The following ZNF480 variants were observed in gnomAD, a reference collection of about 807,000 sequenced individuals.
ZNF480 encodes zinc finger protein 480.
Under a neutral mutation model 14.4 loss-of-function variants are expected in ZNF480, and 15 were observed. The observed-to-expected ratio is 1.04, with a 90% CI of 0.70 to 1.60. The LOEUF is 1.60. Ranked by LOEUF, ZNF480 falls within the 40% of genes most tolerant of loss-of-function variation. The pLI, the probability that ZNF480 is intolerant of heterozygous loss-of-function variation, is 0.00. For missense variants in ZNF480, 593 were observed against 629.7 expected (o/e 0.94, Z 0.62); for synonymous variants, 218 against 215.5 (o/e 1.01, Z -0.10).
At chr19:52,302,935 A>G (rs772235769) in intron 2 of ZNF480, among the ~76,000 whole-genome samples, 44 of 152,360 alleles carry the variant, frequency 2.9e-4, no homozygotes, top group East Asian at 9.6e-4. Context: ...GGTCCTGGAA[A>G]GGGTGTATGA....
Position 52,314,287 on chromosome 19 carries a change from T to C in ZNF480, c.199+8T>C, listed in dbSNP as rs1014049983. 6.5e-7 allele frequency: 1 copy of C among 1,531,100 alleles called. No individual in the cohort carries two copies. Among genetic ancestry groups the C allele is most frequent in the Admixed American group, 1.9e-5 (1 of 51,926 alleles). The allele number at this position is 1,531,100 out of a possible 1,614,324, so 94.8% of individuals were successfully genotyped here. A position where few individuals can be genotyped will look rare whatever the true frequency, so the allele number is the denominator to read the frequency against. ...GGAACCTGGTCTCCCTGGGTGAGGATCATGCCCCTGCAGAAGCCGGGATCT... is the reference window on the plus strand; with the variant it reads ...GGAACCTGGTCTCCCTGGGTGAGGACCATGCCCCTGCAGAAGCCGGGATCT... On this transcript the variant is annotated splice_region_variant and intron_variant, in intron 3 of 4. Transcript: ENST00000595962.
At chr19:52,310,592 C>T (rs1983224359) in intron 2 of ZNF480, among the ~76,000 whole-genome samples, 1 of 151,974 alleles carries the variant, frequency 6.6e-6, no homozygotes, top group African/African-American at 2.4e-5. Context: ...AAATGTCTGC[C>T]ATGTTTACTG....
At chr19:52,310,056 TTTTC>T (rs932112694) in intron 2 of ZNF480, among the ~76,000 whole-genome samples, 3 of 152,058 alleles carry the variant, frequency 2.0e-5, no homozygotes, top group African/African-American at 7.2e-5. Flanking sequence ...TTTAATTCAT[TTTTC>T]TTTCTTTCTT....
chr19:52,308,155 G>C (rs1983057084), intron 2 of ZNF480, among the ~76,000 whole-genome samples: 1 of 152,092 alleles, frequency 6.6e-6, no homozygotes, highest in African/African-American at 2.4e-5. Context: ...CTGTTGGGCA[G>C]TAGGGATTGT....
chr19:52,324,344 T>A lies in ZNF480; in HGVS notation c.*1486T>A, dbSNP rs552071551. ...CATGCTCATGGATAGGAAGAATCAG[T>A]ATTGTTAAAATACTGCCCAAAGCAA... On this transcript the variant is annotated 3_prime_UTR_variant, in exon 5 of 5. Transcript: ENST00000595962. 1.3e-5 allele frequency: 2 copies of A among 152,148 alleles called. No homozygotes were observed. The highest frequency in any genetic ancestry group is 2.9e-5 in the Non-Finnish European group (2 of 67,998). The allele number at this position is 152,148 out of a possible 1,614,324, so 9.4% of individuals were successfully genotyped here.
chr19:52,323,765 T>A lies in ZNF480; in HGVS notation c.*907T>A, dbSNP rs2122127724. 1 of 152,302 alleles carries A rather than the reference T, an allele frequency of 6.6e-6. No homozygotes were observed. Among genetic ancestry groups the A allele is most frequent in the Admixed American group, 6.5e-5 (1 of 15,282 alleles). 9.4% of individuals were successfully genotyped at this position (152,302 alleles called of 1,614,324 possible). On this transcript the variant is annotated 3_prime_UTR_variant, in exon 5 of 5. Transcript: ENST00000595962. ...AATAAAATTCAACATCCCTTCATTTTAAAAACCCTCAACAAATTACACATT... is the reference window on the plus strand; with the variant it reads ...AATAAAATTCAACATCCCTTCATTTAAAAAACCCTCAACAAATTACACATT...
chr19:52,302,815 A>G (rs1280570435), intron 2 of ZNF480, among the ~76,000 whole-genome samples: 3 of 152,216 alleles, frequency 2.0e-5, no homozygotes, highest in Non-Finnish European at 2.9e-5. Context: ...GTAATGCTGT[A>G]TCTATGTTTT....
chr19:52,307,839 T>C (rs1336453821), intron 2 of ZNF480, among the ~76,000 whole-genome samples: 3 of 152,224 alleles, frequency 2.0e-5, no homozygotes, highest in Admixed American at 2.0e-4. Context: ...AGTTTTCTAC[T>C]TTGGGCAGGC....
chr19:52,307,066 A>G (rs1441915892), intron 2 of ZNF480, among the ~76,000 whole-genome samples: 1 of 151,950 alleles, frequency 6.6e-6, no homozygotes, highest in East Asian at 1.9e-4. Flanking sequence ...CCTCTTCCTT[A>G]TCATCTGTGT....
chr19:52,307,866 T>C (rs985890474), intron 2 of ZNF480, among the ~76,000 whole-genome samples: 3 of 152,230 alleles, frequency 2.0e-5, no homozygotes, highest in African/African-American at 7.2e-5. Context: ...TTCCTTGCCC[T>C]TCTCCAGTAA....
At chr19:52,321,526 T>G in intron 4 of ZNF480, 53 bp from the exon 5 acceptor site, 1 of 1,472,466 alleles carries the variant, frequency 6.8e-7, no homozygotes, top group Non-Finnish European at 9.1e-7. Flanking sequence ...CATCAGACTC[T>G]AAACATGCCA....
intron 2 of ZNF480, chr19:52,301,581 A>T (rs1340544141): frequency 6.6e-6 from 1 of 152,126 alleles, no homozygotes; most frequent in African/African-American, 2.4e-5. Context: ...CATTGATTTG[A>T]TTAGCTAGTT....
chr19:52,308,284 G>T (rs542483943), intron 2 of ZNF480, among the ~76,000 whole-genome samples: 1 of 146,256 alleles, frequency 6.8e-6, no homozygotes, highest in South Asian at 2.2e-4. Context: ...GAAGGAAAAC[G>T]TTTTCTGCTT....
Position 52,322,904 on chromosome 19 carries a change from A to G in ZNF480, c.*46A>G, listed in dbSNP as rs928860653. On this transcript the variant is annotated 3_prime_UTR_variant, in exon 5 of 5. Coordinates refer to ENST00000595962, the MANE Select transcript of ZNF480 (RefSeq NM_144684.4). ...GCGTCAAAGAATTTAGTGTGCACTC[A>G]AGCCTTACTACCCATCTTTTATTCC... The G allele has an allele frequency of 6.7e-7, 1 of 1,499,278 alleles. No homozygotes were observed. The highest frequency in any genetic ancestry group is 2.3e-5 in the East Asian group (1 of 43,804). 92.9% of individuals were successfully genotyped at this position (1,499,278 alleles called of 1,614,324 possible).
chr19:52,321,727 C>T lies in ZNF480; in HGVS notation c.477C>T (p.Asn159=). The T allele has an allele frequency of 1.2e-6, 2 of 1,614,060 alleles. No homozygotes were observed. Among genetic ancestry groups the T allele is most frequent in the Non-Finnish European group, 8.5e-7 (1 of 1,179,976 alleles). ...NGCNQVENFI[N]HSSSVSCLQE... ...GTAATCAAGTTGAAAACTTTATCAA[C>T]CACAGTTCCTCTGTTTCCTGTCTTC... The change falls in exon 5 of 5, where the codon AAC becomes AAT. Residue 159 remains asparagine (N), a synonymous_variant. Transcript: ENST00000595962.
At chr19:52,315,257 C>A (rs1328370834) in intron 3 of ZNF480, among the ~76,000 whole-genome samples, 1 of 151,710 alleles carries the variant, frequency 6.6e-6, no homozygotes, top group Non-Finnish European at 1.5e-5. Flanking sequence ...CTGCATAAAA[C>A]CTTATGGCAA....
rs780354155 is a variant in ZNF480, at chr19:52,321,619, A to T, written c.369A>T (p.Pro123=). ...YALGSNAEDK[P]IKKQLGVSFH... Reference sequence around the variant, plus strand: ...TGGGAAGCAATGCAGAAGACAAACCAATTAAAAAACAACTTGGAGTATCCT... The same window carrying T: ...TGGGAAGCAATGCAGAAGACAAACCTATTAAAAAACAACTTGGAGTATCCT... The change falls in exon 5 of 5, where the codon CCA becomes CCT. Residue 123 remains proline (P), a synonymous_variant. Transcript: ENST00000595962. 7 of 1,607,770 alleles carry T rather than the reference A, an allele frequency of 4.4e-6. No individual in the cohort carries two copies. The South Asian group carries it at 7.8e-5, about 18-fold the overall frequency.
Position 52,322,505 on chromosome 19 carries a change from A to C in ZNF480, c.1255A>C (p.Arg419=), listed in dbSNP as rs1360822405. Residue 419 remains arginine, a synonymous_variant, in exon 5 of 5, where the codon AGA becomes CGA. Transcript: ENST00000595962. ...ACTTTCAAATCTTGCACGACATCGA[A>C]GAATTCATACTGGAGAGAAGCCTTA... ...NQLSNLARHR[R]IHTGEKPYKC... 6.2e-7 allele frequency: 1 copy of C among 1,614,118 alleles called. No individual in the cohort carries two copies. The highest frequency in any genetic ancestry group is 8.5e-7 in the Non-Finnish European group (1 of 1,179,960).
In ZNF480 at chr19:52,322,161, G is replaced by A. The variant is rs751482843; in HGVS notation, c.911G>A (p.Arg304Gln). Reference protein sequence around the residue: ...KVFSNNSYLARHQRIHAEEKP... With the variant: ...KVFSNNSYLAQHQRIHAEEKP... Reference sequence around the variant, plus strand: ...TTCAGTAATAATTCTTACCTTGCACGACATCAAAGAATTCATGCTGAAGAG... The same window carrying A: ...TTCAGTAATAATTCTTACCTTGCACAACATCAAAGAATTCATGCTGAAGAG... Residue 304 changes from arginine (R) to glutamine (Q), a missense_variant, in exon 5 of 5, where the codon CGA becomes CAA. Physicochemically the swap from Arg to Gln is conservative, Grantham distance 43. Coordinates refer to ENST00000595962, the MANE Select transcript of ZNF480 (RefSeq NM_144684.4). 1.2e-5 allele frequency: 19 copies of A among 1,613,696 alleles called. 1 individual carries two copies. The highest frequency in any genetic ancestry group is 4.5e-5 in the East Asian group (2 of 44,774).
Sources: gnomAD v4.1 joint callset for allele counts (sites outside exome capture counted in the v4.1 genomes callset) on GRCh38, gnomAD v4.1.1 for gene constraint, MANE v1.5 for transcripts, NCBI Gene and HGNC (gene_info 2026-07-23, HGNC 2026-07-21) for gene names.